Variants in EDEM3 observed in about 807,000 individuals in gnomAD.
EDEM3 encodes the protein ER degradation enhancing alpha-mannosidase like protein 3, also known as ER degradation-enhancing alpha-mannosidase-like protein 3.
EDEM3 carries 60 observed loss-of-function variants against 110.2 expected under a neutral mutation model. The observed-to-expected ratio is 0.54, with a 90% CI of 0.44 to 0.67. The LOEUF (loss-of-function observed/expected upper bound fraction) is 0.67. Ranked by LOEUF, EDEM3 falls within the 30% of genes least tolerant of loss-of-function variation. The pLI, the probability that EDEM3 is intolerant of heterozygous loss-of-function variation, is 0.00. For missense variants in EDEM3, 996 were observed against 1,121.0 expected (o/e 0.89, Z 1.59); for synonymous variants, 352 against 382.9 (o/e 0.92, Z 0.94).
Position 184,694,322 on chromosome 1 carries a change from A to G in EDEM3, c.2540T>C (p.Leu847Ser). ...AGCATTGTCCATATCTGCTAGAGAT[A>G]ATGATTCTGGGTGAGAATTTAGAGA... ...ENSLNSHPES[L>S]SLADMDNAAS... The change falls in exon 20 of 20, where the codon TTA becomes TCA. Residue 847 changes from leucine (L) to serine (S), a missense_variant. By Grantham distance (145) the Leu-to-Ser change is moderately radical. This residue lies in a region of EDEM3 where 345 missense variants were observed against 402.0 expected (regional missense o/e 0.86). Coordinates refer to ENST00000318130, the MANE Select transcript of EDEM3 (RefSeq NM_025191.4). The G allele has an allele frequency of 6.2e-7, 1 of 1,613,240 alleles. No homozygotes were observed. The highest frequency in any genetic ancestry group is 8.5e-7 in the Non-Finnish European group (1 of 1,179,596).
intron 5 of EDEM3, 95 bp from the exon 6 acceptor site, chr1:184,733,085 T>G: frequency 7.4e-7 from 1 of 1,345,960 alleles, no homozygotes; most frequent in African/African-American, 1.5e-5. Context: ...CAATTTAACA[T>G]ATTTAAGGAA....
intron 8 of EDEM3, among the ~76,000 whole-genome samples, chr1:184,721,906 A>G (rs1650924467): frequency 6.6e-6 from 1 of 151,968 alleles, no homozygotes; most frequent in South Asian, 2.1e-4. Context: ...AACTCTAGAC[A>G]AAAATGAAGA....
intron 19 of EDEM3, among the ~76,000 whole-genome samples, chr1:184,696,319 C>T (rs2102053283): frequency 6.6e-6 from 1 of 152,038 alleles, no homozygotes; most frequent in Non-Finnish European, 1.5e-5. Flanking sequence ...TTCCTCTACC[C>T]TAAGAAGAGG....
intron 2 of EDEM3, among the ~76,000 whole-genome samples, chr1:184,747,679 C>A (rs1203234120): frequency 1.3e-5 from 2 of 152,212 alleles, no homozygotes; most frequent in Non-Finnish European, 2.9e-5. Context: ...ATCCTTCTCT[C>A]TTAAATCTTA....
chr1:184,697,000 C>T (rs1013172607), intron 19 of EDEM3, among the ~76,000 whole-genome samples: 1 of 151,584 alleles, frequency 6.6e-6, no homozygotes, highest in Admixed American at 6.6e-5. Context: ...AGATTGTGAT[C>T]GTACACTGTC....
At chr1:184,751,294 A>C (rs1329703870) in intron 1 of EDEM3, among the ~76,000 whole-genome samples, 1 of 152,076 alleles carries the variant, frequency 6.6e-6, no homozygotes, top group Non-Finnish European at 1.5e-5. Flanking sequence ...GGAAGATGGA[A>C]GTCCTCTTTT....
chr1:184,733,054 A>T, intron 5 of EDEM3, 64 bp from the exon 6 acceptor site: 1 of 1,502,120 alleles, frequency 6.7e-7, no homozygotes, highest in Non-Finnish European at 9.0e-7. Flanking sequence ...CCATCTAAAA[A>T]GGTGTGGGTA....
chr1:184,702,686 T>C, intron 19 of EDEM3, 125 bp downstream of exon 19: 1 of 593,234 alleles, frequency 1.7e-6, no homozygotes, highest in Non-Finnish European at 2.6e-6. Flanking sequence ...GAAATCATCT[T>C]CTAAAAGTTT....
At chr1:184,754,378 C>T (rs1444625325) in intron 1 of EDEM3, 111 bp downstream of exon 1, 27 of 1,510,302 alleles carry the variant, frequency 1.8e-5, no homozygotes, top group Non-Finnish European at 2.3e-5. Flanking sequence ...GCGGGAAGAG[C>T]CGTTCCAATC....
At chr1:184,706,875 A>C in intron 17 of EDEM3, 67 bp from the exon 18 acceptor site, 1 of 1,495,520 alleles carries the variant, frequency 6.7e-7, no homozygotes, top group Non-Finnish European at 9.1e-7. Context: ...ATTAAACCTC[A>C]ATATCTAGAG....
rs987568701 is a variant in EDEM3 at position 184,710,424 on chromosome 1, C to G, written c.1815G>C (p.Gly605=). The change falls in exon 16 of 20, where the codon GGG becomes GGC. Residue 605 remains glycine, a synonymous_variant. Transcript: ENST00000318130. ...TTGCATGTTGGACCAACTGGACTCTCCCATCTTTGAGGTGAATCAAACTCA... is the reference window on the plus strand; with the variant it reads ...TTGCATGTTGGACCAACTGGACTCTGCCATCTTTGAGGTGAATCAAACTCA... ...MGVSLIHLKD[G]RVQLVQHAIQ... 3.1e-6 allele frequency: 5 copies of G among 1,613,790 alleles called. No individual in the cohort carries two copies. The African/African-American group carries it at 6.7e-5, about 22-fold the overall frequency.
intron 7 of EDEM3, among the ~76,000 whole-genome samples, chr1:184,725,720 T>C (rs1651154377): frequency 1.3e-5 from 2 of 151,944 alleles, no homozygotes; most frequent in South Asian, 4.1e-4. Flanking sequence ...CTTAAATAAT[T>C]AGATTTTTTT....
At chr1:184,707,335 T>C (rs1649983724) in intron 17 of EDEM3, among the ~76,000 whole-genome samples, 1 of 152,176 alleles carries the variant, frequency 6.6e-6, no homozygotes, top group Non-Finnish European at 1.5e-5. Context: ...AAGGAACTAA[T>C]TTTTTTAAAC....
chr1:184,732,675 TA>T (rs1651593076), intron 6 of EDEM3, 161 bp downstream of exon 6: 1 of 676,102 alleles, frequency 1.5e-6, no homozygotes, highest in Admixed American at 3.2e-5. Flanking sequence ...CTTAGAAGTA[TA>T]ATCAGTTAAT....
chr1:184,733,065 C>T, intron 5 of EDEM3, 75 bp from the exon 6 acceptor site: 2 of 1,437,248 alleles, frequency 1.4e-6, no homozygotes, highest in East Asian at 4.7e-5. Context: ...GGTGTGGGTA[C>T]TTTGTTATAC....
chr1:184,702,704 T>C (rs1649687895), intron 19 of EDEM3, 107 bp downstream of exon 19: 1 of 755,492 alleles, frequency 1.3e-6, no homozygotes, highest in African/African-American at 1.8e-5. Flanking sequence ...TTTTACTTGT[T>C]TTCACAGTGA....
intron 18 of EDEM3, among the ~76,000 whole-genome samples, chr1:184,705,830 T>G (rs1417851379): frequency 6.6e-6 from 1 of 152,068 alleles, no homozygotes; most frequent in Non-Finnish European, 1.5e-5. Flanking sequence ...AACAGAAAAA[T>G]TTATATTTCC....
intron 17 of EDEM3, among the ~76,000 whole-genome samples, chr1:184,707,448 GCA>G (rs1354683247): frequency 6.6e-6 from 1 of 152,150 alleles, no homozygotes; most frequent in Non-Finnish European, 1.5e-5. Flanking sequence ...AGCAAGCAGT[GCA>G]CAGAATATAG....
chr1:184,724,155 G>C (rs968197720), intron 7 of EDEM3, among the ~76,000 whole-genome samples: 2 of 151,772 alleles, frequency 1.3e-5, no homozygotes, highest in Non-Finnish European at 2.9e-5. Flanking sequence ...TACTCTTGTA[G>C]CACAAGTTCA....
Sources: gnomAD v4.1 joint callset for allele counts (sites outside exome capture counted in the v4.1 genomes callset) on GRCh38, gnomAD v4.1.1 for gene constraint, gnomAD v4.1.1 regional missense constraint, MANE v1.5 for transcripts, NCBI Gene and HGNC (gene_info 2026-07-23, HGNC 2026-07-21) for gene names.